IFT122: variants seen among roughly 807,000 people sequenced by gnomAD.
IFT122 encodes intraflagellar transport protein 122 homolog.
Under a neutral mutation model 161.6 loss-of-function variants are expected in IFT122, and 118 were observed. The observed-to-expected ratio is 0.73, with a 90% CI of 0.63 to 0.85. The LOEUF is 0.85. Among genes scored for constraint, IFT122 ranks in the 40% least tolerant of loss-of-function variants. IFT122 has a pLI of 0.00. For synonymous variants in IFT122, 550 were observed against 602.4 expected (o/e 0.91, Z 1.27); for missense variants, 1,381 against 1,579.6 (o/e 0.87, Z 2.13).
At chr3:129,481,898 G>C (rs1419514802) in intron 14 of IFT122, among the ~76,000 whole-genome samples, 1 of 152,236 alleles carries the variant, frequency 6.6e-6, no homozygotes, top group African/African-American at 2.4e-5. Flanking sequence ...GCCTGGACCG[G>C]CCTCTTTAAC....
rs1577613516 is a variant in IFT122, at chr3:129,478,210, C to T, written c.1342C>T (p.Leu448=). Residue 448 remains leucine, a synonymous_variant, in exon 12 of 30, where the codon CTG becomes TTG. Coordinates refer to ENST00000348417, the MANE Select transcript of IFT122 (RefSeq NM_052989.3). ...LLVVCANHII[L]CQEKRLQCLS... is the part of the protein sequence containing the mutation. The stretch of plus-strand genomic sequence containing the variant: ...GGTGGTGTGTGCCAATCACATCATC[C>T]TGTGCCAGGTGGGCAGCAGCATGTT... 5.6e-6 allele frequency: 9 copies of T among 1,614,058 alleles called. No homozygotes were observed. The East Asian group carries it at 2.0e-4, about 36-fold the overall frequency.
At chr3:129,479,731 T>C in intron 12 of IFT122, 54 bp from the exon 13 acceptor site, 1 of 1,611,608 alleles carries the variant, frequency 6.2e-7, no homozygotes, top group African/African-American at 1.3e-5. Flanking sequence ...CTTGGGGAGG[T>C]CTGGGGGCAC....
chr3:129,454,138 C>G (rs968677648), intron 3 of IFT122, among the ~76,000 whole-genome samples: 1 of 152,138 alleles, frequency 6.6e-6, no homozygotes, highest in Non-Finnish European at 1.5e-5. Flanking sequence ...TAGAAAGATG[C>G]AAATTCTTCA....
chr3:129,509,890 A>G (rs145353293), intron 23 of IFT122, among the ~76,000 whole-genome samples: 2 of 152,346 alleles, frequency 1.3e-5, no homozygotes, highest in African/African-American at 2.4e-5. Context: ...TTCTTTCTCT[A>G]TAAAATAGGG....
intron 27 of IFT122, 24 bp from the exon 28 acceptor site, chr3:129,519,083 C>G (rs758776284): frequency 3.1e-6 from 5 of 1,605,032 alleles, no homozygotes; most frequent in Non-Finnish European, 4.3e-6. Flanking sequence ...GCTTCTGATT[C>G]CATCCTTGAC....
Position 129,479,839 on chromosome 3 carries a change from A to T in IFT122, c.1405A>T (p.Met469Leu), listed in dbSNP as rs767501130. 6.2e-7 allele frequency: 1 copy of T among 1,613,978 alleles called. No individual in the cohort carries two copies. The highest frequency in any genetic ancestry group is 8.5e-7 in the Non-Finnish European group (1 of 1,179,986). ...FSGVKEREWQ[M>L]ESLIRYIKVI... The stretch of plus-strand genomic sequence containing the variant: ...CGGAGTGAAGGAGCGGGAGTGGCAG[A>T]TGGAGTCTCTCATTCGTTACATCAA... Residue 469 changes from methionine (M) to leucine (L), a missense_variant, in exon 13 of 30, where the codon ATG (methionine) becomes TTG (leucine). Coordinates refer to ENST00000348417, the MANE Select transcript of IFT122 (RefSeq NM_052989.3).
chr3:129,515,428 C>T (rs2083369703), intron 25 of IFT122, 60 bp from the exon 26 acceptor site: 2 of 1,186,802 alleles, frequency 1.7e-6, no homozygotes, highest in Non-Finnish European at 1.2e-6. Context: ...AAGCCAGAGT[C>T]CAGGGGGAGG....
rs552106649 is a variant in IFT122, at chr3:129,516,723, C to G, written c.3266-746C>G. On this transcript the variant is annotated intron_variant, in intron 26 of 29. Transcript: ENST00000348417. ...ACACACACACACACACACACACACA[C>G]ACAGAGAGACTGCCCCTGCACACAC... Among the ~76,000 whole-genome samples the G allele has an allele frequency of 5.5e-3, 583 of 105,980 alleles. 6 individuals carry two copies. The highest frequency in any genetic ancestry group is 0.012 in the Admixed American group (120 of 10,346). 69.5% of individuals were successfully genotyped at this position (105,980 alleles called of 152,430 possible). A position where few individuals can be genotyped will look rare whatever the true frequency, so the allele number is the denominator to read the frequency against.
intron 5 of IFT122, among the ~76,000 whole-genome samples, chr3:129,461,739 A>G (rs2076236876): frequency 1.3e-5 from 2 of 152,112 alleles, no homozygotes; most frequent in Non-Finnish European, 2.9e-5. Context: ...TTCTTGTGCA[A>G]TTTGTCGTCA....
rs1000415413 is a variant in IFT122, at chr3:129,456,247, G to A, written c.194-2352G>A. ...ATCACCTGCTACCTACCAGGATGAGGGAGGAGTGATGGAAATAGTAAGAGC... is the reference window on the plus strand; with the variant it reads ...ATCACCTGCTACCTACCAGGATGAGAGAGGAGTGATGGAAATAGTAAGAGC... On this transcript the variant is annotated intron_variant, in intron 3 of 29. Coordinates refer to ENST00000348417, the MANE Select transcript of IFT122 (RefSeq NM_052989.3). The A allele has an allele frequency of 9.4e-6, 12 of 1,278,002 alleles. No homozygotes were observed. The African/African-American group carries it at 1.8e-4, about 20-fold the overall frequency. 79.2% of individuals were successfully genotyped at this position (1,278,002 alleles called of 1,614,324 possible).
rs79918649 is a variant in IFT122, at chr3:129,450,011, CT to C, written c.108+89del. 134,047 of 720,608 alleles carry C rather than the reference CT, an allele frequency of 0.19. 361 individuals carry two copies. The highest frequency in any genetic ancestry group is 0.25 in the South Asian group (14,951 of 59,920). The allele number at this position is 720,608 out of a possible 1,614,324, so 44.6% of individuals were successfully genotyped here. ...CTTGTGAGTACTCTGAAATTTGACC[CT>C]TTTTTTTTTTTTTTGAGATTAAAAA... On this transcript the variant is annotated intron_variant, in intron 2 of 29. Coordinates refer to ENST00000348417, the MANE Select transcript of IFT122 (RefSeq NM_052989.3).
chr3:129,514,434 C>T lies in IFT122; in HGVS notation c.3033C>T (p.Ala1011=). The change falls in exon 25 of 30, where the codon GCC becomes GCT. Residue 1011 remains alanine (A), a synonymous_variant. Transcript: ENST00000348417. ...CCAAGCAGAGCAAGGCCCTCGGTGCCTACAGGCTGGCCCGGCACGCCTATG... is the reference window on the plus strand; with the variant it reads ...CCAAGCAGAGCAAGGCCCTCGGTGCTTACAGGCTGGCCCGGCACGCCTATG... ...TLAKQSKALG[A]YRLARHAYDK... 6.2e-7 allele frequency: 1 copy of T among 1,614,220 alleles called. No individual in the cohort carries two copies. The highest frequency in any genetic ancestry group is 8.5e-7 in the Non-Finnish European group (1 of 1,180,026).
chr3:129,453,534 C>T (rs2075103402), intron 3 of IFT122, among the ~76,000 whole-genome samples: 1 of 151,976 alleles, frequency 6.6e-6, no homozygotes, highest in African/African-American at 2.4e-5. Flanking sequence ...CGATTTTGAG[C>T]TGCATAGTTG....
At position 129,507,950 on chromosome 3, in the gene IFT122, C is replaced by T. The variant is rs1476748084; in HGVS notation, c.2886+188C>T. On this transcript the variant is annotated intron_variant, in intron 23 of 29. Transcript: ENST00000348417. ...GATTGACTGTTTGTCTGCCATGCAT[C>T]AAGCAGTGGGCTCCTGAATTGTGAT... 4.6e-5 allele frequency among the ~76,000 whole-genome samples: 7 copies of T among 152,366 alleles called. No homozygotes were observed. The East Asian group carries it at 7.7e-4, about 17-fold the overall frequency.
intron 9 of IFT122, among the ~76,000 whole-genome samples, chr3:129,471,104 C>CACA (rs953983751): frequency 6.6e-6 from 1 of 152,188 alleles, no homozygotes; most frequent in African/African-American, 2.4e-5. Context: ...GTACAGATTT[C>CACA]ACACCACAGC....
At position 129,495,943 on chromosome 3, in the gene IFT122, A is replaced by G. The variant is rs1238862201; in HGVS notation, c.2208+336A>G. Among the ~76,000 whole-genome samples the G allele has an allele frequency of 3.3e-5, 5 of 152,150 alleles. No homozygotes were observed. In the South Asian group the frequency reaches 6.2e-4, roughly 19 times the overall value. On this transcript the variant is annotated intron_variant, in intron 18 of 29. Coordinates refer to ENST00000348417, the MANE Select transcript of IFT122 (RefSeq NM_052989.3). ...GGGCTGTCCCCCACAAATCCTCTCA[A>G]TCCTTGTCAGGAGCCGCCAAGAATC...
intron 1 of IFT122, among the ~76,000 whole-genome samples, chr3:129,447,909 C>G (rs2074230477): frequency 6.6e-6 from 1 of 152,166 alleles, no homozygotes; most frequent in Non-Finnish European, 1.5e-5. Context: ...CTGAAACAGT[C>G]TCTCAGGTTA....
At chr3:129,474,936 C>T (rs999430111) in intron 9 of IFT122, among the ~76,000 whole-genome samples, 2 of 152,124 alleles carry the variant, frequency 1.3e-5, no homozygotes, top group African/African-American at 4.8e-5. Context: ...AGGGAGATCA[C>T]TTGAGAACAG....
Position 129,488,089 on chromosome 3 carries a change from C to A in IFT122, c.1852-168C>A, listed in dbSNP as rs184192466. The A allele has an allele frequency of 2.6e-5, 26 of 1,018,502 alleles. No individual in the cohort carries two copies. In the African/African-American group the frequency reaches 2.7e-4, roughly 11 times the overall value. The allele number at this position is 1,018,502 out of a possible 1,614,324, so 63.1% of individuals were successfully genotyped here. ...CATGAGAGAGGTGCAGGATGGAGCA[C>A]ACAGGGTGGGCTGGGCAGGCTGGGC... On this transcript the variant is annotated intron_variant, in intron 15 of 29. Transcript: ENST00000348417.
Sources: gnomAD v4.1 joint callset for allele counts (sites outside exome capture counted in the v4.1 genomes callset) on GRCh38, gnomAD v4.1.1 for gene constraint, MANE v1.5 for transcripts, NCBI Gene and HGNC (gene_info 2026-07-23, HGNC 2026-07-21) for gene names.